Variants in WAS observed in about 807,000 individuals in gnomAD.
The protein encoded by WAS is WASP actin nucleation promoting factor.
WAS carries 1 observed loss-of-function variant against 38.9 expected under a neutral mutation model. That is an observed-to-expected ratio of 0.03 (90% confidence interval 0.01 to 0.12). The LOEUF is 0.12. Ranked by LOEUF, WAS falls within the 10% of genes least tolerant of loss-of-function variation. The pLI, the probability that WAS is intolerant of heterozygous loss-of-function variation, is 1.00. For missense variants in WAS, 311 were observed against 431.2 expected (o/e 0.72, Z 2.47); for synonymous variants, 182 against 173.6 (o/e 1.05, Z -0.38).
intron 6 of WAS, 42 bp downstream of exon 6, chrX:48,686,176 A>C: frequency 3.3e-6 from 4 of 1,195,176 alleles, no homozygotes; most frequent in Non-Finnish European, 4.5e-6. Flanking sequence ...TGGATGGGTA[A>C]GAGTGGATGG....
chrX:48,683,354 G>A (rs1873448525), upstream of WAS: 2 of 113,329 alleles, frequency 1.8e-5, no homozygotes, highest in Admixed American at 1.9e-4. Context: ...CCAAAGTGCT[G>A]GGATTACAGG....
chrX:48,689,474 G>A (rs1399393777), intron 11 of WAS, 40 bp downstream of exon 11: 3 of 1,090,456 alleles, frequency 2.8e-6, no homozygotes, highest in Non-Finnish European at 3.8e-6. Flanking sequence ...TGGCTCCCAG[G>A]GCTAGCACTG....
upstream of WAS, among the ~76,000 whole-genome samples, chrX:48,681,416 G>A (rs2062400273): frequency 8.9e-6 from 1 of 111,837 alleles, no homozygotes; most frequent in South Asian, 3.7e-4. Context: ...TGATCTGGCT[G>A]CCTCGGCCTC....
At chrX:48,684,625 A>G (rs2062413739) in intron 2 of WAS, among the ~76,000 whole-genome samples, 1 of 111,806 alleles carries the variant, frequency 8.9e-6, no homozygotes, top group South Asian at 3.7e-4. Context: ...CCGTATCAAG[A>G]TCTCTAAAGC....
intron 7 of WAS, among the ~76,000 whole-genome samples, chrX:48,687,531 G>A (rs1602178515): frequency 9.0e-6 from 1 of 111,276 alleles, no homozygotes; most frequent in East Asian, 2.8e-4. Flanking sequence ...TATGCAGGCT[G>A]ATTGGCTCAC....
At chrX:48,684,704 T>A (rs2062442211) in intron 2 of WAS, among the ~76,000 whole-genome samples, 1 of 111,850 alleles carries the variant, frequency 8.9e-6, no homozygotes, top group South Asian at 3.7e-4. Flanking sequence ...ACTGTATTTG[T>A]ACCTGAACCT....
At chrX:48,686,414 CTGAG>C (rs1394557228) in intron 6 of WAS, among the ~76,000 whole-genome samples, 1 of 111,722 alleles carries the variant, frequency 9.0e-6, no homozygotes, top group Non-Finnish European at 1.9e-5. Flanking sequence ...AGATGGATGA[CTGAG>C]TAAATTAATC....
upstream of WAS, chrX:48,683,734 T>G (rs2062409657): frequency 9.4e-7 from 1 of 1,062,421 alleles, no homozygotes; most frequent in Non-Finnish European, 1.2e-6. Flanking sequence ...CCTGGAGGAC[T>G]TGTTTCCCTT....
upstream of WAS, chrX:48,683,720 G>A: frequency 1.0e-6 from 1 of 993,554 alleles, no homozygotes; most frequent in Non-Finnish European, 1.3e-6. Flanking sequence ...CCCACCAAGG[G>A]GCCCCTGGAG....
rs2062412795 is a variant in WAS at position 48,684,405 on chromosome X, C to T, written c.255C>T (p.Ile85=). The change falls in exon 2 of 12, where the codon ATC becomes ATT. Residue 85 remains isoleucine, a synonymous_variant. Coordinates refer to ENST00000376701, the MANE Select transcript of WAS (RefSeq NM_000377.3). ...VKDNPQKSYF[I]RLYGLQAGRL... ...ATAACCCCCAGAAGTCCTACTTCAT[C>T]CGCCTTTACGGCCTTCAGGTGACCC... 2 of 1,207,233 alleles carry T rather than the reference C, an allele frequency of 1.7e-6. No individual in the cohort carries two copies. Among genetic ancestry groups the T allele is most frequent in the Non-Finnish European group, 2.2e-6 (2 of 894,148 alleles).
chrX:48,678,286 C>T lies in WAS; in HGVS notation c.-131+1538C>T, dbSNP rs1350478550. On this transcript the variant is annotated intron_variant, in intron 1 of 8. Coordinates refer to the WAS transcript ENST00000450772. ...TGAGGGGAGGAGGAAGATACAGCAA[C>T]GTAAATTTTGCCATCTTGGCCTCAG... Among the ~76,000 whole-genome samples the T allele has an allele frequency of 2.7e-5, 3 of 111,230 alleles. No individual in the cohort carries two copies. The East Asian group carries it at 8.5e-4, about 31-fold the overall frequency.
intron 11 of WAS, among the ~76,000 whole-genome samples, chrX:48,690,570 G>A (rs78375578): frequency 3.8e-5 from 3 of 78,135 alleles, no homozygotes; most frequent in African/African-American, 1.1e-4. Flanking sequence ...TTCATCTTTC[G>A]ACAATGATTT....
upstream of WAS, among the ~76,000 whole-genome samples, chrX:48,682,209 AAGAACC>A (rs1423249650): frequency 8.9e-6 from 1 of 112,387 alleles, no homozygotes; most frequent in African/African-American, 3.2e-5. Context: ...TCCCAACAGC[AAGAACC>A]AGAAGCAGCC....
chrX:48,687,747 G>C (rs1197851736), intron 7 of WAS, among the ~76,000 whole-genome samples: 1 of 111,469 alleles, frequency 9.0e-6, no homozygotes, highest in Non-Finnish European at 1.9e-5. Context: ...ACAGACATAT[G>C]TGGGCAGATA....
intron 1 of WAS, among the ~76,000 whole-genome samples, chrX:48,677,292 C>T (rs1557005329): frequency 9.1e-6 from 1 of 110,441 alleles, no homozygotes; most frequent in Non-Finnish European, 1.9e-5. Flanking sequence ...TGACCATCCA[C>T]CAATGGTGGT....
At chrX:48,684,886 C>T (rs1252660023) in intron 2 of WAS, among the ~76,000 whole-genome samples, 5 of 111,276 alleles carry the variant, frequency 4.5e-5, no homozygotes, top group Admixed American at 9.6e-5. Context: ...ACAGCACAGA[C>T]CCCAGAGTTC....
At chrX:48,685,480 C>G (rs1602177118) in intron 2 of WAS, 67 bp from the exon 3 acceptor site, 1 of 868,599 alleles carries the variant, frequency 1.2e-6, no homozygotes, top group East Asian at 3.4e-5. Flanking sequence ...CCCTGCCCAG[C>G]TAACAAAAGC....
In WAS at chrX:48,688,729, G is replaced by A. The variant is rs782420124; in HGVS notation, c.1001G>A (p.Gly334Asp). ...CTCCCCCGGCCCCCTATTGTGGGGG[G>A]TAACAAGGGTCGTTCTGGTCCACTG... ...NQLPRPPIVG[G>D]NKGRSGPLPP... The change falls in exon 10 of 12, where the codon GGT becomes GAT. Residue 334 changes from glycine to aspartate, a missense_variant. By Grantham distance (94) the Gly-to-Asp change is moderately conservative (BLOSUM62 -1). Transcript: ENST00000376701. The A allele has an allele frequency of 4.2e-6, 5 of 1,176,931 alleles. No individual in the cohort carries two copies. Among genetic ancestry groups the A allele is most frequent in the Middle Eastern group, 3.0e-4 (1 of 3,386 alleles).
At chrX:48,676,793 TGGACGCTTCCGTGCGCGCGTCCA>T (rs1318971613) in intron 1 of WAS, 1 of 112,302 alleles carries the variant, frequency 8.9e-6, no homozygotes, top group Non-Finnish European at 1.9e-5. Context: ...CGGCCCCGGG[TGGACGCTTCCGTGCGCGCGTCCA>T]TGCCCAGCCA....
Sources: gnomAD v4.1 joint callset for allele counts (sites outside exome capture counted in the v4.1 genomes callset) on GRCh38, gnomAD v4.1.1 for gene constraint, MANE v1.5 for transcripts, NCBI Gene and HGNC (gene_info 2026-07-23, HGNC 2026-07-21) for gene names.